Variants in PTP4A1 observed in about 807,000 individuals in gnomAD.
PTP4A1 encodes protein tyrosine phosphatase 4A1.
In PTP4A1, 9 loss-of-function variants were observed where a neutral mutation model predicts 20.5. That is an observed-to-expected ratio of 0.44 (90% CI 0.26 to 0.77). The LOEUF (loss-of-function observed/expected upper bound fraction) is 0.77, where lower values mean the gene tolerates loss of function less well. PTP4A1 is among the 30% of genes least tolerant of loss of function. The pLI is 0.19. For missense variants in PTP4A1, 137 were observed against 218.8 expected (o/e 0.63, Z 2.36); for synonymous variants, 78 against 67.4 (o/e 1.16, Z -0.77).
chr6:63,576,360 A>G, intron 1 of PTP4A1, 76 bp from the exon 2 acceptor site: 1 of 397,702 alleles, frequency 2.5e-6, no homozygotes. Context: ...GTACTTAAAT[A>G]GTGTAAAACC....
intron 3 of PTP4A1, among the ~76,000 whole-genome samples, chr6:63,560,600 C>T (rs531447977): frequency 5.9e-5 from 9 of 151,932 alleles, no homozygotes; most frequent in Non-Finnish European, 1.0e-4. Context: ...GATGGGTTTT[C>T]GCCATGTTGG....
chr6:63,554,947 C>G (rs1244158536), intron 3 of PTP4A1, among the ~76,000 whole-genome samples: 1 of 152,136 alleles, frequency 6.6e-6, no homozygotes, highest in Non-Finnish European at 1.5e-5. Context: ...TACAAAGAGA[C>G]AATTGTGTTT....
intron 3 of PTP4A1, among the ~76,000 whole-genome samples, chr6:63,567,433 G>C (rs928635749): frequency 6.6e-6 from 1 of 152,192 alleles, no homozygotes; most frequent in Non-Finnish European, 1.5e-5. Flanking sequence ...GCATTTCAGT[G>C]ACCATGTGCA....
chr6:63,578,323 A>G, intron 2 of PTP4A1, 114 bp from the exon 3 acceptor site: 1 of 1,231,726 alleles, frequency 8.1e-7, no homozygotes, highest in Non-Finnish European at 1.1e-6. Context: ...GCATTCTTTA[A>G]ATGATCTTCT....
chr6:63,536,601 G>A (rs1283870891), intron 2 of PTP4A1, among the ~76,000 whole-genome samples: 2 of 152,106 alleles, frequency 1.3e-5, no homozygotes, highest in Admixed American at 6.6e-5. Context: ...TAAAATTGAT[G>A]TATGACTTTA....
chr6:63,522,401 T>C (rs1296923717), intron 1 of PTP4A1, among the ~76,000 whole-genome samples: 2 of 152,176 alleles, frequency 1.3e-5, no homozygotes, highest in East Asian at 3.8e-4. Flanking sequence ...AAATAAGTAG[T>C]CCCTGCAGGA....
chr6:63,556,013 C>T (rs371772340), intron 3 of PTP4A1, among the ~76,000 whole-genome samples: 4 of 152,068 alleles, frequency 2.6e-5, no homozygotes, highest in African/African-American at 7.2e-5. Flanking sequence ...TAATATTATT[C>T]AGCCTTTCTT....
intron 3 of PTP4A1, among the ~76,000 whole-genome samples, chr6:63,559,430 A>C (rs895435414): frequency 4.6e-5 from 7 of 151,926 alleles, no homozygotes; most frequent in Non-Finnish European, 1.0e-4. Context: ...TAAACGCAGC[A>C]AAAAAAATCA....
rs1778227148 is a variant in PTP4A1 at position 63,581,562 on chromosome 6, AATG to A, written c.*1392_*1394del. ...TTTTACAAATAAATGAAGGATTATA[AATG>A]ATGTCAGCATTTTAGTAAACTTTTA... On this transcript the variant is annotated 3_prime_UTR_variant, in exon 6 of 6. Coordinates refer to ENST00000626021, the MANE Select transcript of PTP4A1 (RefSeq NM_003463.5). 1 of 152,242 alleles carries A rather than the reference AATG, an allele frequency of 6.6e-6. No homozygotes were observed. The highest frequency in any genetic ancestry group is 1.5e-5 in the Non-Finnish European group (1 of 68,018). 9.4% of individuals were successfully genotyped at this position (152,242 alleles called of 1,614,324 possible). A position where few individuals can be genotyped will look rare whatever the true frequency, so the allele number is the denominator to read the frequency against.
intron 2 of PTP4A1, among the ~76,000 whole-genome samples, chr6:63,536,205 C>T (rs1255089254): frequency 6.6e-6 from 1 of 152,160 alleles, no homozygotes; most frequent in Non-Finnish European, 1.5e-5. Flanking sequence ...GTGGCGGGTG[C>T]CTGCAGTCCC....
chr6:63,519,581 T>C (rs548282759), upstream of PTP4A1, among the ~76,000 whole-genome samples: 54 of 152,204 alleles, frequency 3.5e-4, no homozygotes, highest in Admixed American at 4.6e-4. Context: ...GTTTGTTCCA[T>C]ATACTTGGCA....
intron 2 of PTP4A1, among the ~76,000 whole-genome samples, chr6:63,540,638 GAAAAGAA>G (rs1271992114): frequency 2.0e-5 from 3 of 150,404 alleles, no homozygotes; most frequent in Admixed American, 1.3e-4. Flanking sequence ...AATGAAAAAA[GAAAAGAA>G]AAAAGAAAAA....
intron 5 of PTP4A1, among the ~76,000 whole-genome samples, chr6:63,579,739 A>G (rs938659814): frequency 1.3e-5 from 2 of 152,210 alleles, no homozygotes; most frequent in African/African-American, 4.8e-5. Context: ...TGGCTTTTGT[A>G]GTCATCTTCC....
chr6:63,547,852 T>C (rs1281303059), intron 2 of PTP4A1, among the ~76,000 whole-genome samples: 1 of 152,174 alleles, frequency 6.6e-6, no homozygotes, highest in East Asian at 1.9e-4. Context: ...CCAGATTTAG[T>C]TCTCCACCTT....
the PTP4A1 span, among the ~76,000 whole-genome samples, chr6:63,516,683 G>GA: frequency 6.6e-6 from 1 of 152,132 alleles, no homozygotes; most frequent in East Asian, 1.9e-4. Context: ...CAGGTGAGTG[G>GA]AAAAAAATCT....
chr6:63,526,056 G>T (rs1581907953), intron 1 of PTP4A1, among the ~76,000 whole-genome samples: 1 of 152,282 alleles, frequency 6.6e-6, no homozygotes, highest in South Asian at 2.1e-4. Context: ...CAGGCGCAGT[G>T]GCTCATGCCT....
At chr6:63,524,715 T>G (rs1455281120) in intron 1 of PTP4A1, among the ~76,000 whole-genome samples, 1 of 152,202 alleles carries the variant, frequency 6.6e-6, no homozygotes, top group African/African-American at 2.4e-5. Flanking sequence ...TTCTTTTGAC[T>G]GACAAGAAAA....
intron 3 of PTP4A1, among the ~76,000 whole-genome samples, chr6:63,562,585 C>G (rs1396575797): frequency 6.6e-6 from 1 of 152,190 alleles, no homozygotes; most frequent in Non-Finnish European, 1.5e-5. Context: ...TAACTAATTT[C>G]TATCTCAGAG....
At chr6:63,548,854 C>G (rs1776312279) in intron 2 of PTP4A1, 2 of 762,408 alleles carry the variant, frequency 2.6e-6, no homozygotes, top group Non-Finnish European at 2.4e-6. Flanking sequence ...ATAGCTCCCA[C>G]TAGCTTAGCC....
Sources: allele counts gnomAD v4.1 joint callset (sites outside exome capture counted in the v4.1 genomes callset), GRCh38; gene constraint gnomAD v4.1.1; transcripts MANE v1.5; gene names NCBI Gene and HGNC (gene_info 2026-07-23, HGNC 2026-07-21).